Variants in TLR6 observed in about 807,000 individuals in gnomAD.
The protein encoded by TLR6 is toll like receptor 6.
A neutral mutation model predicts 16.1 loss-of-function variants in TLR6; 9 were observed. The observed-to-expected ratio is 0.56, with a 90% CI of 0.34 to 0.98. The LOEUF (loss-of-function observed/expected upper bound fraction) is 0.98, where lower values mean the gene tolerates loss of function less well. Ranked by LOEUF, TLR6 falls within the 50% of genes least tolerant of loss-of-function variation. The probability of loss-of-function intolerance (pLI) is 0.02; values close to 1 mark genes in which losing one functional copy is unlikely to be tolerated. For missense variants in TLR6, 786 were observed against 921.0 expected (o/e 0.85, Z 1.90); for synonymous variants, 340 against 338.6 (o/e 1.00, Z -0.04).
At chr4:38,850,345 G>C (rs1203957512) in intron 1 of TLR6, among the ~76,000 whole-genome samples, 1 of 151,946 alleles carries the variant, frequency 6.6e-6, no homozygotes, top group Non-Finnish European at 1.5e-5. Context: ...CAAACATATT[G>C]AAAAGCTAGC....
chr4:38,823,052 AGATTT>A (rs1727391504), downstream of TLR6, among the ~76,000 whole-genome samples: 1 of 152,204 alleles, frequency 6.6e-6, no homozygotes, highest in Admixed American at 6.5e-5. Flanking sequence ...AAGAACCATC[AGATTT>A]CATGAGACCC....
At chr4:38,852,328 T>A (rs1272669314) in intron 1 of TLR6, among the ~76,000 whole-genome samples, 1 of 152,208 alleles carries the variant, frequency 6.6e-6, no homozygotes, top group Non-Finnish European at 1.5e-5. Context: ...GGGCAAGGAC[T>A]TCAAGTCTAA....
At chr4:38,868,053 G>T in the TLR6 span, 1 of 421,290 alleles carries the variant, frequency 2.4e-6, no homozygotes, top group South Asian at 1.7e-5. Flanking sequence ...GGGTGCGGGC[G>T]TGTGAGTGTG....
intron 1 of TLR6, among the ~76,000 whole-genome samples, chr4:38,840,376 G>A (rs1712193470): frequency 6.6e-6 from 1 of 152,152 alleles, no homozygotes; most frequent in Admixed American, 6.5e-5. Flanking sequence ...GCTCACACCT[G>A]TAATTCCAGC....
chr4:38,824,092 C>CA (rs146838719), exon 2 of TLR6: 29,143 of 138,382 alleles, frequency 0.21, 3,822 homozygotes, highest in Non-Finnish European at 0.28. Context: ...GCCCCCGCCC[C>CA]CCCCTGCCTG....
chr4:38,845,381 T>G (rs1195853951), intron 1 of TLR6, among the ~76,000 whole-genome samples: 6 of 152,180 alleles, frequency 3.9e-5, no homozygotes, highest in Non-Finnish European at 8.8e-5. Context: ...CAAAGGAAAA[T>G]TAATGTTGTG....
At chr4:38,824,096 CT>C (rs139432551) in exon 2 of TLR6, 31,717 of 150,810 alleles carry the variant, frequency 0.21, 6,376 homozygotes, top group African/African-American at 0.51. Flanking sequence ...CCGCCCCCCC[CT>C]GCCTGGGCTT....
intron 1 of TLR6, among the ~76,000 whole-genome samples, chr4:38,851,145 A>G (rs1246519309): frequency 6.6e-6 from 1 of 152,222 alleles, no homozygotes; most frequent in Non-Finnish European, 1.5e-5. Flanking sequence ...GATTATCTCA[A>G]TAGATGCAGA....
chr4:38,861,174 C>T (rs982591797), upstream of TLR6, among the ~76,000 whole-genome samples: 5 of 151,940 alleles, frequency 3.3e-5, no homozygotes, highest in Non-Finnish European at 7.4e-5. Context: ...TAGTGAGCCC[C>T]ATCACTTCAT....
At chr4:38,862,018 G>A in the TLR6 span, among the ~76,000 whole-genome samples, 55 of 152,232 alleles carry the variant, frequency 3.6e-4, 1 homozygote, top group Admixed American at 1.6e-3. Flanking sequence ...ATTCTCACGC[G>A]ATGATGCTTC....
chr4:38,863,505 A>G, the TLR6 span, among the ~76,000 whole-genome samples: 4 of 152,168 alleles, frequency 2.6e-5, no homozygotes, highest in African/African-American at 9.7e-5. Context: ...AAATGCCTGA[A>G]TCTTTACTAC....
the TLR6 span, among the ~76,000 whole-genome samples, chr4:38,865,194 T>C: frequency 6.6e-6 from 1 of 152,242 alleles, no homozygotes; most frequent in South Asian, 2.1e-4. Flanking sequence ...GATATCATCA[T>C]AGTATTTCCT....
At chr4:38,836,098 T>G (rs935498245) in intron 1 of TLR6, among the ~76,000 whole-genome samples, 3 of 151,778 alleles carry the variant, frequency 2.0e-5, no homozygotes, top group Middle Eastern at 3.4e-3. Context: ...ACAAACACTT[T>G]CAAATGTTAG....
chr4:38,848,358 T>C (rs980658252), intron 1 of TLR6, among the ~76,000 whole-genome samples: 1 of 152,016 alleles, frequency 6.6e-6, no homozygotes, highest in African/African-American at 2.4e-5. Flanking sequence ...AAGCTGAAAA[T>C]TCTAAAAATC....
At chr4:38,863,069 C>T in the TLR6 span, among the ~76,000 whole-genome samples, 1 of 151,912 alleles carries the variant, frequency 6.6e-6, no homozygotes, top group African/African-American at 2.4e-5. Flanking sequence ...AAATGTACTT[C>T]AGTCAGGTTT....
chr4:38,845,920 T>C lies in TLR6; in HGVS notation c.-65+10841A>G, dbSNP rs188903967. On this transcript the variant is annotated intron_variant, in intron 1 of 1. Transcript: ENST00000436693. ...CAGCCTGGCCAACATGGTGAAACCCTGTCTCCATTAAAAATACAAAAATTA... is the reference window on the plus strand; with the variant it reads ...CAGCCTGGCCAACATGGTGAAACCCCGTCTCCATTAAAAATACAAAAATTA... Among the ~76,000 whole-genome samples, 295 of 151,896 alleles carry C rather than the reference T, an allele frequency of 1.9e-3. 2 individuals carry two copies. Among genetic ancestry groups the C allele is most frequent in the African/African-American group, 6.7e-3 (279 of 41,440 alleles).
At chr4:38,859,337 C>T (rs1560274948), upstream of TLR6, among the ~76,000 whole-genome samples, 1 of 152,110 alleles carries the variant, frequency 6.6e-6, no homozygotes, top group African/African-American at 2.4e-5. Flanking sequence ...GAGCATCACC[C>T]TATGAACAGC....
intron 1 of TLR6, among the ~76,000 whole-genome samples, chr4:38,841,123 T>C (rs1055225946): frequency 1.3e-5 from 2 of 152,208 alleles, no homozygotes; most frequent in African/African-American, 4.8e-5. Flanking sequence ...AACACTATTT[T>C]TTACAATTTG....
At chr4:38,824,197 T>C (rs1727442067) in exon 2 of TLR6, 1 of 151,990 alleles carries the variant, frequency 6.6e-6, no homozygotes, top group Non-Finnish European at 1.5e-5. Context: ...ACTGCGCATC[T>C]ACAATGGGGT....
Sources: allele counts gnomAD v4.1 joint callset (sites outside exome capture counted in the v4.1 genomes callset), GRCh38; gene constraint gnomAD v4.1.1; transcripts MANE v1.5; gene names NCBI Gene and HGNC (gene_info 2026-07-23, HGNC 2026-07-21).